Variants in SNX25 observed in about 807,000 individuals in gnomAD.
SNX25 encodes the protein sorting nexin-25.
A neutral mutation model predicts 113.7 loss-of-function variants in SNX25; 62 were observed. The ratio of observed to expected loss-of-function variants is 0.55; its 90% CI spans 0.44 to 0.67. The LOEUF (loss-of-function observed/expected upper bound fraction) is 0.67. Ranked by LOEUF, SNX25 falls within the 30% of genes least tolerant of loss-of-function variation. The pLI, the probability that SNX25 is intolerant of heterozygous loss-of-function variation, is 0.00. For missense variants in SNX25, 1,014 were observed against 1,161.0 expected (o/e 0.87, Z 1.84); for synonymous variants, 421 against 436.2 (o/e 0.97, Z 0.43).
At chr4:185,212,154 T>C (rs1212599194) in intron 1 of SNX25, among the ~76,000 whole-genome samples, 1 of 152,112 alleles carries the variant, frequency 6.6e-6, no homozygotes, top group Non-Finnish European at 1.5e-5. Flanking sequence ...TTAAGTGCAT[T>C]AGGGGCTGGG....
downstream of SNX25, chr4:185,370,880 C>T (rs377158615): frequency 6.0e-4 from 911 of 1,508,894 alleles, no homozygotes; most frequent in Non-Finnish European, 7.8e-4. Context: ...TAAAACGATG[C>T]GCCTAGAGAC....
chr4:185,271,974 A>G (rs531986452), intron 5 of SNX25, among the ~76,000 whole-genome samples: 1 of 152,374 alleles, frequency 6.6e-6, no homozygotes, highest in East Asian at 1.9e-4. Context: ...TGTATGTCAG[A>G]ACCACTGAGA....
intron 1 of SNX25, among the ~76,000 whole-genome samples, chr4:185,221,952 ACCCC>A (rs1739936105): frequency 6.6e-6 from 1 of 151,838 alleles, no homozygotes; most frequent in Non-Finnish European, 1.5e-5. Context: ...AGCACCATAT[ACCCC>A]TCCTTCACGG....
chr4:185,329,195 G>A (rs960204876), intron 9 of SNX25, among the ~76,000 whole-genome samples: 2 of 152,138 alleles, frequency 1.3e-5, no homozygotes, highest in Admixed American at 6.5e-5. Context: ...CAAAGGTGCC[G>A]TTTTCAGGCC....
intron 11 of SNX25, 93 bp downstream of exon 11, chr4:185,339,603 AACTT>A (rs2095249709): frequency 6.9e-6 from 10 of 1,445,012 alleles, no homozygotes; most frequent in Non-Finnish European, 9.3e-6. Context: ...GAGGGTAGAA[AACTT>A]ACACTCATTC....
chr4:185,221,598 A>G (rs1448896300), intron 1 of SNX25, among the ~76,000 whole-genome samples: 1 of 152,028 alleles, frequency 6.6e-6, no homozygotes, highest in Non-Finnish European at 1.5e-5. Flanking sequence ...TCCCTCTTCC[A>G]TTGATTCTTT....
chr4:185,371,270 T>G (rs2126786714), downstream of SNX25, among the ~76,000 whole-genome samples: 1 of 152,286 alleles, frequency 6.6e-6, no homozygotes, highest in South Asian at 2.1e-4. Flanking sequence ...CTGGGCGCGG[T>G]GGCTCACGCC....
At chr4:185,294,470 G>A (rs572518906) in intron 6 of SNX25, among the ~76,000 whole-genome samples, 189 of 152,306 alleles carry the variant, frequency 1.2e-3, no homozygotes, top group African/African-American at 4.5e-3. Flanking sequence ...GGAGTCAGGG[G>A]TTATGTAGGA....
At chr4:185,207,527 C>T (rs1257563746), upstream of SNX25, among the ~76,000 whole-genome samples, 1 of 152,094 alleles carries the variant, frequency 6.6e-6, no homozygotes, top group East Asian at 1.9e-4. Context: ...CAACTATCCA[C>T]TTTTAAGCAT....
chr4:185,222,367 A>G (rs3108263), intron 1 of SNX25, among the ~76,000 whole-genome samples: 20,699 of 151,316 alleles, frequency 0.14, 1,575 homozygotes, highest in African/African-American at 0.19. Flanking sequence ...ATTCAGTGCC[A>G]TATACCCCTC....
intron 14 of SNX25, 76 bp downstream of exon 14, chr4:185,351,685 A>G: frequency 6.9e-7 from 1 of 1,456,014 alleles, no homozygotes; most frequent in East Asian, 2.3e-5. Flanking sequence ...CATGGGGGGA[A>G]GCAAATCCCT....
At chr4:185,302,107 T>TA (rs1208125903) in intron 6 of SNX25, among the ~76,000 whole-genome samples, 2 of 150,068 alleles carry the variant, frequency 1.3e-5, no homozygotes, top group African/African-American at 4.9e-5. Flanking sequence ...TTTGTTTTTT[T>TA]TTTTTTTTAG....
At chr4:185,375,684 C>T in the SNX25 span, 3 of 1,611,816 alleles carry the variant, frequency 1.9e-6, no homozygotes, top group Non-Finnish European at 2.5e-6. Flanking sequence ...TGGTCTTTCT[C>T]CTTGATTTCT....
At chr4:185,374,278 G>A, downstream of SNX25, 1 of 1,614,036 alleles carries the variant, frequency 6.2e-7, no homozygotes, top group South Asian at 1.1e-5. Flanking sequence ...CTCGGTTTCA[G>A]CATTTCCTTC....
chr4:185,322,298 A>G (rs150147238), intron 8 of SNX25, among the ~76,000 whole-genome samples: 2,205 of 152,080 alleles, frequency 0.014, 56 homozygotes, highest in African/African-American at 0.05. Flanking sequence ...AGGCGTGGTG[A>G]TGTGGGCCTG....
intron 5 of SNX25, among the ~76,000 whole-genome samples, chr4:185,279,208 C>T (rs1283533828): frequency 6.6e-6 from 1 of 151,708 alleles, no homozygotes; most frequent in Non-Finnish European, 1.5e-5. Context: ...TGTGTATTTC[C>T]TAAGTTCAGG....
At chr4:185,352,422 C>T (rs2095320300) in intron 14 of SNX25, among the ~76,000 whole-genome samples, 1 of 152,166 alleles carries the variant, frequency 6.6e-6, no homozygotes, top group African/African-American at 2.4e-5. Flanking sequence ...GAAGTCAGCA[C>T]GTCCCACAGA....
intron 16 of SNX25, among the ~76,000 whole-genome samples, chr4:185,359,660 G>A (rs1488694344): frequency 6.6e-6 from 1 of 152,104 alleles, no homozygotes; most frequent in African/African-American, 2.4e-5. Context: ...TGGGCATGGT[G>A]GGTGCATGCA....
At chr4:185,373,232 C>T (rs1260067421), downstream of SNX25, among the ~76,000 whole-genome samples, 1 of 152,214 alleles carries the variant, frequency 6.6e-6, no homozygotes, top group East Asian at 1.9e-4. Flanking sequence ...TTCACACTAG[C>T]ACACATGCCT....
Sources: allele counts gnomAD v4.1 joint callset (sites outside exome capture counted in the v4.1 genomes callset), GRCh38; gene constraint gnomAD v4.1.1; transcripts MANE v1.5; gene names NCBI Gene and HGNC (gene_info 2026-07-23, HGNC 2026-07-21).